Variants in DOCK10 observed in about 807,000 individuals in gnomAD.
DOCK10 encodes the protein dedicator of cytokinesis protein 10.
Under a neutral mutation model 280.1 loss-of-function variants are expected in DOCK10, and 145 were observed. The ratio of observed to expected loss-of-function variants is 0.52; its 90% CI spans 0.45 to 0.59. The LOEUF (loss-of-function observed/expected upper bound fraction) is 0.59, where lower values mean the gene tolerates loss of function less well. Ranked by LOEUF, DOCK10 falls within the 20% of genes least tolerant of loss-of-function variation. The pLI is 0.00. For missense variants in DOCK10, 2,368 were observed against 2,651.7 expected (o/e 0.89, Z 2.35); for synonymous variants, 915 against 942.2 (o/e 0.97, Z 0.53).
At position 224,918,553 on chromosome 2, in the gene DOCK10, AGT is replaced by A. The variant is rs541020555; in HGVS notation, c.244-1771_244-1770del. On this transcript the variant is annotated intron_variant, in intron 2 of 55. Coordinates refer to ENST00000258390, the MANE Select transcript of DOCK10 (RefSeq NM_014689.3). ...TGTGTGACGAATGTGTATATGTGTG[AGT>A]GTGTGTGGTGAGTGTGTATGTGTAT... Among the ~76,000 whole-genome samples, 566 of 127,210 alleles carry A rather than the reference AGT, an allele frequency of 4.4e-3. 3 individuals are homozygous for A. Among genetic ancestry groups the A allele is most frequent in the African/African-American group, 0.016 (541 of 34,888 alleles). The allele number at this position is 127,210 out of a possible 152,430, so 83.5% of individuals were successfully genotyped here. A position where few individuals can be genotyped will look rare whatever the true frequency, so the allele number is the denominator to read the frequency against.
Position 224,787,063 on chromosome 2 carries a change from G to A in DOCK10, c.5614C>T (p.Arg1872Trp). The change falls in exon 50 of 56, where the codon CGG becomes TGG. Residue 1872 changes from arginine (R) to tryptophan (W), a missense_variant. By Grantham distance (101) the Arg-to-Trp change is moderately radical. Transcript: ENST00000258390. ...KVAEVVNSEK[R>W]LFGRYYRVAF... ...ACACGATAGTAGCGACCAAACAGCC[G>A]CTTCTCCGAATTCACCACCTCTGCC... 3.7e-6 allele frequency: 6 copies of A among 1,613,974 alleles called. No individual in the cohort carries two copies. Among genetic ancestry groups the A allele is most frequent in the Non-Finnish European group, 5.1e-6 (6 of 1,179,876 alleles).
chr2:224,959,704 C>T (rs12999154), intron 1 of DOCK10, among the ~76,000 whole-genome samples: 47,165 of 152,074 alleles, frequency 0.31, 7,737 homozygotes, highest in Middle Eastern at 0.36. Flanking sequence ...TTGATAATAT[C>T]TTGCTAAAAT....
chr2:224,791,354 G>A (rs1692180071), intron 47 of DOCK10, among the ~76,000 whole-genome samples: 3 of 152,134 alleles, frequency 2.0e-5, no homozygotes, highest in South Asian at 4.1e-4. Context: ...CTGAATTTTT[G>A]GGTGGACATG....
intron 11 of DOCK10, among the ~76,000 whole-genome samples, chr2:224,872,047 C>T (rs1698323751): frequency 6.6e-6 from 1 of 152,114 alleles, no homozygotes; most frequent in Non-Finnish European, 1.5e-5. Flanking sequence ...ATGAATAAAC[C>T]TGACTTCAAC....
chr2:224,912,353 T>C (rs1316093902), intron 3 of DOCK10, among the ~76,000 whole-genome samples: 1 of 152,094 alleles, frequency 6.6e-6, no homozygotes, highest in African/African-American at 2.4e-5. Context: ...CAGGCTGGTC[T>C]CAAACTCCTG....
chr2:224,975,834 G>C (rs1450988619), intron 1 of DOCK10, among the ~76,000 whole-genome samples: 1 of 152,102 alleles, frequency 6.6e-6, no homozygotes, highest in Non-Finnish European at 1.5e-5. Flanking sequence ...TCTACAAGTG[G>C]GGGACCCGAA....
chr2:224,773,918 C>G (rs9973539), intron 52 of DOCK10, among the ~76,000 whole-genome samples: 2,717 of 152,232 alleles, frequency 0.018, 71 homozygotes, highest in African/African-American at 0.057. Context: ...CGTGAGCCAC[C>G]GCACCCGGCC....
chr2:224,908,184 ATGTGTG>A lies in DOCK10; in HGVS notation c.333+8505_333+8510del, dbSNP rs71062966. ...AAATGAGTTGTGTGTGTGTGTGTGT[ATGTGTG>A]TGTGTGTGTGTGTATTTTTTATGGA... On this transcript the variant is annotated intron_variant, in intron 3 of 55. Coordinates refer to ENST00000258390, the MANE Select transcript of DOCK10 (RefSeq NM_014689.3). Among the ~76,000 whole-genome samples the A allele has an allele frequency of 2.0e-5, 3 of 148,414 alleles. No homozygotes were observed. In the East Asian group the frequency reaches 6.1e-4, roughly 30 times the overall value.
At chr2:225,002,144 C>A (rs1429389687) in intron 1 of DOCK10, among the ~76,000 whole-genome samples, 1 of 152,116 alleles carries the variant, frequency 6.6e-6, no homozygotes, top group Non-Finnish European at 1.5e-5. Context: ...TAGAGTATTT[C>A]AAATGTGAAA....
At chr2:224,878,069 A>T (rs189724624) in intron 7 of DOCK10, among the ~76,000 whole-genome samples, 1 of 152,212 alleles carries the variant, frequency 6.6e-6, no homozygotes, top group East Asian at 1.9e-4. Flanking sequence ...TGGCTAAATA[A>T]CAAGGTATAA....
chr2:224,958,291 T>C (rs376180859), intron 1 of DOCK10, among the ~76,000 whole-genome samples: 1 of 152,216 alleles, frequency 6.6e-6, no homozygotes, highest in South Asian at 2.1e-4. Context: ...AGGATGATCC[T>C]AGCTGCTCAT....
intron 2 of DOCK10, among the ~76,000 whole-genome samples, chr2:224,930,370 T>C (rs1230763193): frequency 6.6e-6 from 1 of 152,150 alleles, no homozygotes; most frequent in Non-Finnish European, 1.5e-5. Context: ...ACCACGGAAA[T>C]GAGATCTCTG....
At chr2:225,026,594 C>T (rs138669827) in intron 1 of DOCK10, among the ~76,000 whole-genome samples, 91 of 152,204 alleles carry the variant, frequency 6.0e-4, no homozygotes, top group Middle Eastern at 3.4e-3. Flanking sequence ...TTCCTGGATC[C>T]ACTGAGGTAT....
intron 14 of DOCK10, among the ~76,000 whole-genome samples, chr2:224,857,958 T>C (rs771661231): frequency 4.6e-5 from 7 of 152,218 alleles, no homozygotes; most frequent in Non-Finnish European, 1.0e-4. Context: ...ATGATATTTT[T>C]AGACTCCTTC....
At chr2:224,976,910 T>A (rs954262812) in intron 1 of DOCK10, among the ~76,000 whole-genome samples, 1 of 152,208 alleles carries the variant, frequency 6.6e-6, no homozygotes, top group African/African-American at 2.4e-5. Flanking sequence ...ACTGTATGGC[T>A]GCAGGCAGAT....
At chr2:224,966,152 T>C (rs1287284615) in intron 1 of DOCK10, among the ~76,000 whole-genome samples, 1 of 151,814 alleles carries the variant, frequency 6.6e-6, no homozygotes, top group Non-Finnish European at 1.5e-5. Context: ...CATTACAGAG[T>C]GTGCAGCCTA....
chr2:224,982,988 C>T (rs1559922623), intron 1 of DOCK10, among the ~76,000 whole-genome samples: 1 of 152,170 alleles, frequency 6.6e-6, no homozygotes, highest in African/African-American at 2.4e-5. Context: ...GAGTGAGAGA[C>T]ACCAGTGTTC....
chr2:224,822,151 G>A (rs1278346956), intron 28 of DOCK10, among the ~76,000 whole-genome samples: 1 of 152,072 alleles, frequency 6.6e-6, no homozygotes, highest in Non-Finnish European at 1.5e-5. Flanking sequence ...TAAGAAACAA[G>A]TCAAATGACT....
At chr2:224,957,293 C>CCCCCT (rs200633601) in intron 1 of DOCK10, among the ~76,000 whole-genome samples, 1 of 144,524 alleles carries the variant, frequency 6.9e-6, no homozygotes, top group African/African-American at 2.8e-5. Flanking sequence ...CCGCCCCCCC[C>CCCCCT]CGGCTTTGTT....
Sources: gnomAD v4.1 joint callset for allele counts (sites outside exome capture counted in the v4.1 genomes callset) on GRCh38, gnomAD v4.1.1 for gene constraint, MANE v1.5 for transcripts, NCBI Gene and HGNC (gene_info 2026-07-23, HGNC 2026-07-21) for gene names.